Variants in CEP72 observed in about 807,000 individuals in gnomAD.
CEP72 encodes centrosomal protein 72.
CEP72 carries 78 observed loss-of-function variants against 65.7 expected under a neutral mutation model. The observed-to-expected ratio is 1.19, with a 90% CI of 0.99 to 1.43. The LOEUF (loss-of-function observed/expected upper bound fraction) is 1.43. Among genes scored for constraint, CEP72 ranks in the 40% most tolerant of loss-of-function variants. The pLI, the probability that CEP72 is intolerant of heterozygous loss-of-function variation, is 0.00. For synonymous variants in CEP72, 358 were observed against 351.7 expected (o/e 1.02, Z -0.20); for missense variants, 914 against 832.9 (o/e 1.10, Z -1.20).
intron 4 of CEP72, among the ~76,000 whole-genome samples, chr5:632,306 A>G (rs1297806328): frequency 4.8e-4 from 5 of 10,392 alleles, no homozygotes; most frequent in African/African-American, 9.3e-4. Context: ...CTGGGATTTG[A>G]CCCAGTCCTG....
chr5:632,892 A>C (rs1481428856), intron 4 of CEP72, among the ~76,000 whole-genome samples: 48 of 73,628 alleles, frequency 6.5e-4, no homozygotes, highest in African/African-American at 2.3e-3. Context: ...CGGGATTTGG[A>C]CCAGTTCTGG....
intron 5 of CEP72, among the ~76,000 whole-genome samples, chr5:634,201 A>G (rs1009595554): frequency 6.6e-6 from 1 of 152,232 alleles, no homozygotes; most frequent in African/African-American, 2.4e-5. Context: ...ATCACAGGAA[A>G]AGGCAAACTG....
chr5:668,876 G>A (rs940709343), downstream of CEP72, among the ~76,000 whole-genome samples: 19 of 152,316 alleles, frequency 1.2e-4, no homozygotes, highest in African/African-American at 3.6e-4. Context: ...CGCACCCAAC[G>A]CGGTGGGTGC....
At chr5:628,138 G>A (rs145192266) in intron 4 of CEP72, among the ~76,000 whole-genome samples, 2 of 152,224 alleles carry the variant, frequency 1.3e-5, no homozygotes, top group South Asian at 2.1e-4. Context: ...TGACACGCCC[G>A]CCGGGTCGTC....
At chr5:631,762 A>T (rs1271627269) in intron 4 of CEP72, among the ~76,000 whole-genome samples, 1 of 56,712 alleles carries the variant, frequency 1.8e-5, no homozygotes, top group Non-Finnish European at 3.6e-5. Flanking sequence ...CGGGATTTAG[A>T]CCAGTCCTGG....
At position 616,804 on chromosome 5, in the gene CEP72, GTGTGTGTGTGTA is replaced by G. The variant is rs1456795213; in HGVS notation, c.83-2174_83-2163del. Among the ~76,000 whole-genome samples, 984 of 135,042 alleles carry G rather than the reference GTGTGTGTGTGTA, an allele frequency of 7.3e-3. 11 individuals are homozygous for G. The highest frequency in any genetic ancestry group is 0.012 in the Non-Finnish European group (712 of 61,788). 88.6% of individuals were successfully genotyped at this position (135,042 alleles called of 152,430 possible). ...GGCCAGGTGGACGAGGGGTGTGTGT[GTGTGTGTGTGTA>G]TGTGTGTGTGTGTGTGCGCGCGAGT... On this transcript the variant is annotated intron_variant, in intron 1 of 11. Transcript: ENST00000264935.
At chr5:628,033 G>A (rs1259923545) in intron 4 of CEP72, among the ~76,000 whole-genome samples, 1 of 152,224 alleles carries the variant, frequency 6.6e-6, no homozygotes, top group Non-Finnish European at 1.5e-5. Flanking sequence ...CTGCACGTAA[G>A]ATTACTCTTT....
At chr5:628,021 C>G (rs1736865917) in intron 4 of CEP72, among the ~76,000 whole-genome samples, 1 of 152,220 alleles carries the variant, frequency 6.6e-6, no homozygotes, top group Non-Finnish European at 1.5e-5. Context: ...CATGGAGCGC[C>G]ACTGCACGTA....
intron 11 of CEP72, among the ~76,000 whole-genome samples, chr5:652,213 G>A (rs1413420106): frequency 1.3e-5 from 2 of 152,204 alleles, no homozygotes; most frequent in African/African-American, 4.8e-5. Context: ...TGTGGACAAG[G>A]CAGGGTGCAC....
At chr5:651,812 TC>T (rs34903528) in intron 11 of CEP72, among the ~76,000 whole-genome samples, 2 of 150,354 alleles carry the variant, frequency 1.3e-5, no homozygotes, top group African/African-American at 4.9e-5. Context: ...GGTCAGTTCC[TC>T]CCCCTCCCCT....
chr5:666,850 TC>T (rs2126869229), intron 4 of CEP72: 1 of 152,300 alleles, frequency 6.6e-6, no homozygotes, highest in Non-Finnish European at 1.5e-5. Context: ...AAAACATTTT[TC>T]TCCTCTGACC....
At chr5:674,282 C>T in the CEP72 span, among the ~76,000 whole-genome samples, 1 of 138,516 alleles carries the variant, frequency 7.2e-6, no homozygotes, top group South Asian at 2.1e-4. Flanking sequence ...GGAGCAGCTG[C>T]CAGGGCCCAG....
chr5:635,677 G>C, intron 6 of CEP72, 93 bp downstream of exon 6: 1 of 1,068,170 alleles, frequency 9.4e-7, no homozygotes, highest in Non-Finnish European at 1.4e-6. Context: ...TGTGGCTCAT[G>C]GTTCTGGAGG....
At chr5:646,202 C>A (rs1364094893) in intron 10 of CEP72, among the ~76,000 whole-genome samples, 1 of 152,236 alleles carries the variant, frequency 6.6e-6, no homozygotes, top group Non-Finnish European at 1.5e-5. Flanking sequence ...TTCTGTTAGA[C>A]TCCTTCTTAG....
intron 11 of CEP72, among the ~76,000 whole-genome samples, chr5:649,717 T>G: frequency 3.3e-5 from 2 of 60,728 alleles, no homozygotes; most frequent in Admixed American, 2.1e-4. Context: ...CTGTGAGGGG[T>G]GACCGTGAGG....
chr5:643,795 C>T (rs62330299), intron 9 of CEP72: 22,799 of 297,384 alleles, frequency 0.077, 1,035 homozygotes, highest in Non-Finnish European at 0.093. Flanking sequence ...TGGCCCTTTC[C>T]CCTCCTCGAT....
At chr5:642,383 G>A (rs1376321291) in intron 9 of CEP72, 1 of 985,316 alleles carries the variant, frequency 1.0e-6, no homozygotes, top group Non-Finnish European at 1.2e-6. Flanking sequence ...TTAAACACGT[G>A]TGGCCCCCCG....
chr5:675,754 G>A, the CEP72 span: 1 of 153,114 alleles, frequency 6.5e-6, no homozygotes, highest in East Asian at 1.9e-4. Flanking sequence ...AGGGATGAGT[G>A]GTCCTGGGTT....
chr5:659,092 C>T (rs552534749), downstream of CEP72, among the ~76,000 whole-genome samples: 27 of 152,358 alleles, frequency 1.8e-4, no homozygotes, highest in Non-Finnish European at 2.8e-4. Context: ...TCCTGTCATC[C>T]CGCATGTCCC....
Sources: gnomAD v4.1 joint callset for allele counts (sites outside exome capture counted in the v4.1 genomes callset) on GRCh38, gnomAD v4.1.1 for gene constraint, MANE v1.5 for transcripts, NCBI Gene and HGNC (gene_info 2026-07-23, HGNC 2026-07-21) for gene names.